The following LINGO2 variants were observed in gnomAD, a reference collection of about 807,000 sequenced individuals.
The protein encoded by LINGO2 is leucine rich repeat and Ig domain containing 2, also known as leucine-rich repeat and immunoglobulin-like domain-containing nogo receptor-interacting protein 2.
LINGO2 carries 14 observed loss-of-function variants against 30.6 expected under a neutral mutation model. That is an observed-to-expected ratio of 0.46 (90% confidence interval 0.30 to 0.72). LINGO2 has a LOEUF of 0.72. LINGO2 is among the 30% of genes least tolerant of loss of function. LINGO2 has a pLI of 0.07. For synonymous variants in LINGO2, 317 were observed against 288.5 expected, an observed-to-expected ratio of 1.10 and a Z score of -1.00; for missense variants, 729 against 751.7, an observed-to-expected ratio of 0.97 and a Z score of 0.35.
intron 4 of LINGO2, among the ~76,000 whole-genome samples, chr9:28,163,845 C>T (rs937471395): frequency 6.6e-6 from 1 of 152,238 alleles, no homozygotes; most frequent in Non-Finnish European, 1.5e-5. Flanking sequence ...TTAGTTAAAG[C>T]TCTAATAACA....
intron 4 of LINGO2, among the ~76,000 whole-genome samples, chr9:28,049,795 AATCAG>A (rs773806871): frequency 6.0e-5 from 9 of 150,478 alleles, no homozygotes; most frequent in Admixed American, 2.7e-4. Context: ...GGTAGGAGAC[AATCAG>A]ATCATGGAGA....
chr9:28,332,363 C>T (rs1825451486), intron 3 of LINGO2, among the ~76,000 whole-genome samples: 1 of 152,118 alleles, frequency 6.6e-6, no homozygotes, highest in African/African-American at 2.4e-5. Context: ...ACTGAGCTTC[C>T]TCTTTGACCC....
chr9:29,101,416 T>A, the LINGO2 span, among the ~76,000 whole-genome samples: 2 of 152,338 alleles, frequency 1.3e-5, no homozygotes, highest in South Asian at 4.1e-4. Context: ...TTCAGAGAAT[T>A]ATTCAACAAA....
At chr9:28,138,556 TC>T (rs1827581774) in intron 4 of LINGO2, among the ~76,000 whole-genome samples, 1 of 152,230 alleles carries the variant, frequency 6.6e-6, no homozygotes. Context: ...CTTCATTGCC[TC>T]CAGTCTTTGA....
intron 2 of LINGO2, among the ~76,000 whole-genome samples, chr9:28,377,507 G>T (rs1460110123): frequency 6.6e-6 from 1 of 152,080 alleles, no homozygotes; most frequent in Non-Finnish European, 1.5e-5. Context: ...GTTAAGTTCT[G>T]GGGGAGTAGA....
At chr9:28,762,643 G>A in the LINGO2 span, among the ~76,000 whole-genome samples, 3 of 151,972 alleles carry the variant, frequency 2.0e-5, no homozygotes, top group South Asian at 2.1e-4. Flanking sequence ...AGATATCTGC[G>A]ATCATTGAAC....
At chr9:27,975,623 C>G (rs1376652806) in intron 5 of LINGO2, among the ~76,000 whole-genome samples, 1 of 151,978 alleles carries the variant, frequency 6.6e-6, no homozygotes, top group African/African-American at 2.4e-5. Context: ...ATATTAAGAC[C>G]CTGTTTTATG....
chr9:28,583,606 T>A (rs1017272122), intron 1 of LINGO2, among the ~76,000 whole-genome samples: 21 of 151,976 alleles, frequency 1.4e-4, no homozygotes, highest in Non-Finnish European at 1.6e-4. Context: ...AAGAAAAAAA[T>A]TTTTCTTTTA....
intron 1 of LINGO2, among the ~76,000 whole-genome samples, chr9:28,492,380 C>A (rs1826433677): frequency 6.6e-6 from 1 of 152,196 alleles, no homozygotes; most frequent in African/African-American, 2.4e-5. Flanking sequence ...TTTATGCTAG[C>A]CTGTAGCGAA....
At chr9:27,990,790 A>T (rs1041713478) in intron 5 of LINGO2, among the ~76,000 whole-genome samples, 17 of 152,074 alleles carry the variant, frequency 1.1e-4, no homozygotes, top group African/African-American at 4.1e-4. Context: ...ATCTCTGCCT[A>T]GCAGGCATCA....
intron 4 of LINGO2, among the ~76,000 whole-genome samples, chr9:28,199,763 A>G (rs1335996119): frequency 6.6e-6 from 1 of 152,166 alleles, no homozygotes; most frequent in East Asian, 1.9e-4. Flanking sequence ...TCTGATACTG[A>G]TATTATATCA....
chr9:28,502,785 A>T (rs941745394), intron 1 of LINGO2, among the ~76,000 whole-genome samples: 9 of 152,236 alleles, frequency 5.9e-5, no homozygotes, highest in Non-Finnish European at 8.8e-5. Flanking sequence ...AGCACTAAAA[A>T]CATTCCTTTT....
the LINGO2 span, among the ~76,000 whole-genome samples, chr9:28,949,019 T>C: frequency 1.3e-5 from 2 of 152,058 alleles, no homozygotes; most frequent in Non-Finnish European, 2.9e-5. Flanking sequence ...CTTTGAACAA[T>C]GAAAGTTCCT....
At chr9:28,303,766 T>A (rs1364034870) in intron 3 of LINGO2, among the ~76,000 whole-genome samples, 1 of 151,982 alleles carries the variant, frequency 6.6e-6, no homozygotes, top group Admixed American at 6.6e-5. Context: ...TTCATTGTCT[T>A]CATGTTGAGT....
intron 1 of LINGO2, among the ~76,000 whole-genome samples, chr9:28,535,941 A>G (rs1474560751): frequency 6.6e-6 from 1 of 152,216 alleles, no homozygotes; most frequent in Non-Finnish European, 1.5e-5. Flanking sequence ...CCTAAGCCAG[A>G]CAAGAGAGCT....
the LINGO2 span, among the ~76,000 whole-genome samples, chr9:28,827,125 G>C: frequency 6.6e-6 from 1 of 152,138 alleles, no homozygotes; most frequent in Non-Finnish European, 1.5e-5. Context: ...ACAGCATATA[G>C]TAATAATGCT....
the LINGO2 span, among the ~76,000 whole-genome samples, chr9:29,099,596 AAG>A: frequency 6.6e-6 from 1 of 152,206 alleles, no homozygotes; most frequent in African/African-American, 2.4e-5. Context: ...TGTATCTCGA[AAG>A]AAGACATACT....
chr9:29,003,624 A>T, the LINGO2 span, among the ~76,000 whole-genome samples: 1 of 151,988 alleles, frequency 6.6e-6, no homozygotes, highest in Admixed American at 6.6e-5. Context: ...TCTGAGACTT[A>T]GAAGCTTAAG....
intron 1 of LINGO2, among the ~76,000 whole-genome samples, chr9:28,642,699 A>C (rs1827649051): frequency 6.6e-6 from 1 of 152,128 alleles, no homozygotes; most frequent in Non-Finnish European, 1.5e-5. Context: ...ATGGGGCATA[A>C]GATATGACAA....
Sources: gnomAD v4.1 joint callset for allele counts (sites outside exome capture counted in the v4.1 genomes callset) on GRCh38, gnomAD v4.1.1 for gene constraint, MANE v1.5 for transcripts, NCBI Gene and HGNC (gene_info 2026-07-23, HGNC 2026-07-21) for gene names.